Variants in VWF observed in about 807,000 individuals in gnomAD.
The protein encoded by VWF is Factor VIII related antigen.
Under a neutral mutation model 308.6 loss-of-function variants are expected in VWF, and 176 were observed. The observed-to-expected ratio is 0.57, with a 90% confidence interval of 0.50 to 0.65. The LOEUF (loss-of-function observed/expected upper bound fraction) is 0.65, where lower values mean the gene tolerates loss of function less well. Among genes scored for constraint, VWF ranks in the 30% least tolerant of loss-of-function variants. The pLI is 0.00. For synonymous variants in VWF, 1,385 were observed against 1,443.4 expected, an observed-to-expected ratio of 0.96 and a Z score of 0.92; for missense variants, 3,146 against 3,648.2, an observed-to-expected ratio of 0.86 and a Z score of 3.55.
intron 27 of VWF, 152 bp downstream of exon 27, chr12:6,021,748 T>C (rs1231955939): frequency 9.9e-7 from 1 of 1,012,448 alleles, no homozygotes; most frequent in Admixed American, 2.3e-5. Context: ...ATAAACTACA[T>C]TAAATAATGA....
At chr12:5,964,238 A>ACATACATACATACATGCATG (rs1555189786) in intron 47 of VWF, among the ~76,000 whole-genome samples, 4 of 138,636 alleles carry the variant, frequency 2.9e-5, no homozygotes, top group African/African-American at 1.3e-4. Context: ...ATACATACAT[A>ACATACATACATACATGCATG]CATACATACA....
At chr12:5,957,739 TAAAAGA>T (rs1236406356) in intron 47 of VWF, among the ~76,000 whole-genome samples, 2 of 152,190 alleles carry the variant, frequency 1.3e-5, no homozygotes, top group Non-Finnish European at 2.9e-5. Context: ...AGCCCTGCAC[TAAAAGA>T]AGTTCTTTAG....
At chr12:6,035,541 A>T (rs971797508) in intron 19 of VWF, among the ~76,000 whole-genome samples, 1 of 152,088 alleles carries the variant, frequency 6.6e-6, no homozygotes, top group African/African-American at 2.4e-5. Context: ...CCACCAAGTC[A>T]AAGGCAGGGT....
At chr12:5,953,163 G>A (rs1024048038) in intron 48 of VWF, among the ~76,000 whole-genome samples, 1 of 151,994 alleles carries the variant, frequency 6.6e-6, no homozygotes, top group African/African-American at 2.4e-5. Context: ...GGAGGCGGAG[G>A]TTGCAGTGAG....
chr12:5,963,789 AGC>A (rs1215136752), intron 47 of VWF, among the ~76,000 whole-genome samples: 1 of 152,242 alleles, frequency 6.6e-6, no homozygotes, highest in African/African-American at 2.4e-5. Context: ...ATAAGGTAAG[AGC>A]GCCTTATTTA....
intron 51 of VWF, among the ~76,000 whole-genome samples, 172 bp from the exon 52 acceptor site, chr12:5,949,375 G>C (rs1330868549): frequency 6.6e-6 from 1 of 152,164 alleles, no homozygotes; most frequent in Non-Finnish European, 1.5e-5. Context: ...TCATAGGTCT[G>C]ACATGTCCTC....
chr12:6,089,508 G>A (rs1945008353), intron 6 of VWF, among the ~76,000 whole-genome samples: 1 of 152,104 alleles, frequency 6.6e-6, no homozygotes, highest in African/African-American at 2.4e-5. Flanking sequence ...TGGAGCCTCA[G>A]AAAGGTGCCC....
chr12:6,019,191 G>T lies in VWF; in HGVS notation c.4227C>A (p.Val1409=), dbSNP rs769467272. The T allele has an allele frequency of 6.2e-7, 1 of 1,613,958 alleles. No individual in the cohort carries two copies. Among genetic ancestry groups the T allele is most frequent in the South Asian group, 1.1e-5 (1 of 91,074 alleles). ...GCCCAATGCCCACCGGGATCACAAT[G>T]ACCTTCTTCTTCTTCAGGCCCTGGA... ...RYVQGLKKKK[V]IVIPVGIGPH... Residue 1409 remains valine (V), a synonymous_variant, in exon 28 of 52, where the codon GTC becomes GTA. Coordinates refer to ENST00000261405, the MANE Select transcript of VWF (RefSeq NM_000552.5). This position sits in a 1 kb window ranked among gnomAD's most constrained non-coding sequence, Gnocchi z 5.8.
intron 6 of VWF, among the ~76,000 whole-genome samples, chr12:6,092,624 T>TGAGAGTGAGAGAGA (rs1180180618): frequency 1.1e-5 from 1 of 87,014 alleles, no homozygotes; most frequent in African/African-American, 6.4e-5. Flanking sequence ...TGAGAGTGTG[T>TGAGAGTGAGAGAGA]GTGTGTGTGT....
In VWF at chr12:6,029,365, C is replaced by T. The variant is rs376548659; in HGVS notation, c.2944G>A (p.Val982Met). The T allele has an allele frequency of 9.3e-6, 15 of 1,614,034 alleles. No homozygotes were observed. The highest frequency in any genetic ancestry group is 1.7e-5 in the Admixed American group (1 of 60,002). ...ACCTGGTATGTCTGCTTCAGGACCA[C>T]GGAGATGCTCAGGTGGCGGTCCCAG... ...VVWDRHLSIS[V>M]VLKQTYQEKV... The change falls in exon 22 of 52, where the codon GTG becomes ATG. Residue 982 changes from valine (V) to methionine (M), a missense_variant. Physicochemically the swap from Val to Met is conservative, Grantham distance 21 (BLOSUM62 1). Coordinates refer to ENST00000261405, the MANE Select transcript of VWF (RefSeq NM_000552.5).
At chr12:5,971,851 C>T (rs998333916) in intron 43 of VWF, 142 bp from the exon 44 acceptor site, 1 of 756,286 alleles carries the variant, frequency 1.3e-6, no homozygotes, top group African/African-American at 1.7e-5. Flanking sequence ...TGTCAACCAG[C>T]CTCAGGGCCA....
intron 50 of VWF, 71 bp from the exon 51 acceptor site, chr12:5,949,954 C>T: frequency 7.2e-7 from 1 of 1,395,754 alleles, no homozygotes; most frequent in Non-Finnish European, 1.0e-6. Flanking sequence ...AGCCCCAGTG[C>T]CCTCACTGGG....
At chr12:6,102,838 C>T (rs1945181414) in intron 5 of VWF, among the ~76,000 whole-genome samples, 1 of 152,110 alleles carries the variant, frequency 6.6e-6, no homozygotes, top group African/African-American at 2.4e-5. Context: ...TCAATGTAAT[C>T]CTTATCAAAG....
At chr12:5,986,044 A>G (rs557311985) in intron 38 of VWF, among the ~76,000 whole-genome samples, 7 of 152,352 alleles carry the variant, frequency 4.6e-5, no homozygotes, top group African/African-American at 1.4e-4. Context: ...AATTGACTTC[A>G]GACAATAGGG....
chr12:5,993,631 ATATG>A (rs1462427323), intron 37 of VWF, among the ~76,000 whole-genome samples: 5 of 129,742 alleles, frequency 3.9e-5, no homozygotes, highest in African/African-American at 1.2e-4. Context: ...ATATACATAT[ATATG>A]TGTGTGTGTG....
chr12:6,057,830 T>A lies in VWF; in HGVS notation c.1729+19A>T. On this transcript the variant is annotated intron_variant, in intron 14 of 51. Coordinates refer to ENST00000261405, the MANE Select transcript of VWF (RefSeq NM_000552.5). ...TCGAGATTCTGCGAGGTCCCTGCCT[T>A]GCCCCCGGGTTCACATACTCATGCG... is the stretch of plus-strand genomic sequence containing the variant. The A allele has an allele frequency of 6.3e-7, 1 of 1,593,806 alleles. No individual in the cohort carries two copies.
intron 22 of VWF, 88 bp downstream of exon 22, chr12:6,029,254 A>G: frequency 1.9e-6 from 3 of 1,577,428 alleles, no homozygotes; most frequent in South Asian, 2.2e-5. Flanking sequence ...TGGATTCATA[A>G]AGCAAGTCCT....
At position 5,994,572 on chromosome 12, in the gene VWF, G is replaced by A. The variant is rs55784921; in HGVS notation, c.6099C>T (p.Tyr2033=). The change falls in exon 36 of 52, where the codon TAC becomes TAT. Residue 2033 remains tyrosine (Y), a synonymous_variant. Coordinates refer to ENST00000261405, the MANE Select transcript of VWF (RefSeq NM_000552.5). ...CGTTGACTTCCATGTTCCCACCCAC[G>A]TAAGGAACAGAGACCAGTCTCCCAT... ...TVNGRLVSVP[Y]VGGNMEVNVY... is the part of the protein sequence containing the mutation. The A allele has an allele frequency of 2.1e-3, 3,467 of 1,613,926 alleles. 6 individuals are homozygous for A. The highest frequency in any genetic ancestry group is 2.7e-3 in the Non-Finnish European group (3,223 of 1,179,862).
In VWF at chr12:6,023,630, C is replaced by T. The variant is rs2363337; in HGVS notation, c.3379+1G>A. ...GAGAACATGAGGGCGTCAGTACTCA[C>T]GGCACAATGTGGCCGTCCTCCAGGT... is the stretch of plus-strand genomic sequence containing the variant. On this transcript the variant is annotated splice_donor_variant, in intron 25 of 51. Transcript: ENST00000261405. LOFTEE classifies it high-confidence loss of function. 2.8e-5 allele frequency: 45 copies of T among 1,613,678 alleles called. No homozygotes were observed. Among genetic ancestry groups the T allele is most frequent in the East Asian group, 6.7e-5 (3 of 44,892 alleles).
Sources: gnomAD v4.1 joint callset for allele counts (sites outside exome capture counted in the v4.1 genomes callset) on GRCh38, gnomAD v4.1.1 for gene constraint, Gnocchi (gnomAD v3.1) non-coding constraint, MANE v1.5 for transcripts, NCBI Gene and HGNC (gene_info 2026-07-23, HGNC 2026-07-21) for gene names.